The following TRHDE variants were observed in gnomAD, a reference collection of about 807,000 sequenced individuals.
TRHDE encodes the protein thyrotropin releasing hormone degrading enzyme.
TRHDE carries 72 observed loss-of-function variants against 125.7 expected under a neutral mutation model. The ratio of observed to expected loss-of-function variants is 0.57; its 90% CI spans 0.47 to 0.70. TRHDE has a LOEUF of 0.70. Among genes scored for constraint, TRHDE ranks in the 30% least tolerant of loss-of-function variants. TRHDE has a pLI of 0.00. For missense variants in TRHDE, 1,110 were observed against 1,327.1 expected (o/e 0.84, Z 2.54); for synonymous variants, 509 against 509.1 (o/e 1.00, Z 0.00).
chr12:72,631,482 T>G (rs1466996742), intron 15 of TRHDE, among the ~76,000 whole-genome samples: 1 of 151,902 alleles, frequency 6.6e-6, no homozygotes, highest in African/African-American at 2.4e-5. Context: ...TCAGTATTCC[T>G]TAAAATACAC....
chr12:72,380,108 T>C (rs1017373287), intron 3 of TRHDE, among the ~76,000 whole-genome samples: 2 of 152,228 alleles, frequency 1.3e-5, no homozygotes, highest in African/African-American at 4.8e-5. Flanking sequence ...GTATCCTAGA[T>C]ATCAGCTGAG....
intron 2 of TRHDE, among the ~76,000 whole-genome samples, chr12:72,205,988 A>G (rs1228994662): frequency 6.6e-6 from 1 of 151,916 alleles, no homozygotes; most frequent in Non-Finnish European, 1.5e-5. Flanking sequence ...AAGGGTTTCA[A>G]TTTTTCCACA....
intron 2 of TRHDE, among the ~76,000 whole-genome samples, chr12:72,325,513 G>A (rs749130016): frequency 2.0e-4 from 31 of 151,940 alleles, no homozygotes; most frequent in Non-Finnish European, 4.1e-4. Flanking sequence ...AAGAAACCAT[G>A]CAAATATAGC....
At chr12:72,367,022 A>T (rs1871365287) in intron 2 of TRHDE, among the ~76,000 whole-genome samples, 1 of 151,900 alleles carries the variant, frequency 6.6e-6, no homozygotes. Flanking sequence ...TTTTTGTTAG[A>T]CTGATAGGTT....
In TRHDE at chr12:72,452,907, C is replaced by T. The variant is rs75194935; in HGVS notation, c.1316-16851C>T. Among the ~76,000 whole-genome samples, 350 of 152,228 alleles carry T rather than the reference C, an allele frequency of 2.3e-3. 1 individual carries two copies. Among genetic ancestry groups the T allele is most frequent in the East Asian group, 7.2e-3 (37 of 5,164 alleles). ...AGAGGTCAGCATCATGATTCCTGTA[C>T]AGCCTGTGAAACCATGAGGCAATTA... On this transcript the variant is annotated intron_variant, in intron 3 of 18. Coordinates refer to ENST00000261180, the MANE Select transcript of TRHDE (RefSeq NM_013381.3).
At chr12:72,662,969 C>T (rs1163621155) in intron 18 of TRHDE, 83 bp from the exon 19 acceptor site, 4 of 1,395,750 alleles carry the variant, frequency 2.9e-6, no homozygotes, top group Non-Finnish European at 3.9e-6. Context: ...TTTAATGTTT[C>T]AAATAGATTC....
At chr12:72,305,981 G>C (rs1236838575) in intron 2 of TRHDE, among the ~76,000 whole-genome samples, 1 of 152,182 alleles carries the variant, frequency 6.6e-6, no homozygotes, top group Non-Finnish European at 1.5e-5. Flanking sequence ...CAGTGGTACA[G>C]ACAGCTCCAT....
intron 2 of TRHDE, chr12:72,303,339 ATTGT>A (rs1017600247): frequency 1.3e-5 from 2 of 151,980 alleles, no homozygotes; most frequent in African/African-American, 4.8e-5. Flanking sequence ...ATGGTCAGGG[ATTGT>A]TTGGAGGCTT....
rs555238598 is a variant in TRHDE, at chr12:72,331,124, T to A, written c.1188+44170T>A. Among the ~76,000 whole-genome samples the A allele has an allele frequency of 6.0e-4, 92 of 152,330 alleles. No homozygotes were observed. The South Asian group carries it at 6.6e-3, about 11-fold the overall frequency. On this transcript the variant is annotated intron_variant, in intron 2 of 18. Transcript: ENST00000261180. ...CACATCTGTTATCTCATTTAATCTT[T>A]ACAAAACTTTATTGGGTGTATCATT...
intron 2 of TRHDE, among the ~76,000 whole-genome samples, chr12:72,133,029 G>A (rs1409853114): frequency 1.3e-5 from 2 of 152,128 alleles, no homozygotes; most frequent in Non-Finnish European, 2.9e-5. Flanking sequence ...CAGGGGAAGT[G>A]GTGTAAGATG....
chr12:72,552,942 G>A (rs1355477095), intron 7 of TRHDE, among the ~76,000 whole-genome samples: 4 of 152,148 alleles, frequency 2.6e-5, no homozygotes, highest in African/African-American at 9.7e-5. Context: ...CTTGCTCATT[G>A]AGAAGGTGAG....
chr12:72,248,155 C>A (rs1358100289), intron 2 of TRHDE, among the ~76,000 whole-genome samples: 6 of 152,066 alleles, frequency 3.9e-5, no homozygotes, highest in African/African-American at 1.4e-4. Context: ...TGCGGTGGCT[C>A]ACGCCTATAA....
rs1874859436 is a variant in TRHDE at position 72,094,295 on chromosome 12, G to A, written n.174+6856G>A. On this transcript the variant is annotated intron_variant and non_coding_transcript_variant, in intron 1 of 4. Coordinates refer to the TRHDE transcript ENST00000548156. ...GGTGAGTCCCTGGCCAAGCAGGACTGGCCCTGGACTATGGCTGAGAGGGGC... is the reference window on the plus strand; with the variant it reads ...GGTGAGTCCCTGGCCAAGCAGGACTAGCCCTGGACTATGGCTGAGAGGGGC... Among the ~76,000 whole-genome samples the A allele has an allele frequency of 3.3e-5, 5 of 152,184 alleles. No homozygotes were observed. In the South Asian group the frequency reaches 1.0e-3, roughly 31 times the overall value.
chr12:72,458,271 G>A (rs929035942), intron 3 of TRHDE, among the ~76,000 whole-genome samples: 3 of 152,036 alleles, frequency 2.0e-5, no homozygotes, highest in Non-Finnish European at 4.4e-5. Flanking sequence ...ATATATTGCC[G>A]GTGTTTTATA....
At chr12:72,386,605 T>C (rs546644643) in intron 3 of TRHDE, among the ~76,000 whole-genome samples, 2 of 152,134 alleles carry the variant, frequency 1.3e-5, no homozygotes, top group Non-Finnish European at 2.9e-5. Flanking sequence ...TACTGACCCA[T>C]TTTTTCTCCT....
rs1296246840 is a variant in TRHDE, at chr12:72,517,513, C to T, written c.1722+17878C>T. Among the ~76,000 whole-genome samples, 199 of 152,124 alleles carry T rather than the reference C, an allele frequency of 1.3e-3. 1 individual carries two copies. The highest frequency in any genetic ancestry group is 2.5e-3 in the Non-Finnish European group (173 of 67,986). On this transcript the variant is annotated intron_variant, in intron 6 of 18. Coordinates refer to ENST00000261180, the MANE Select transcript of TRHDE (RefSeq NM_013381.3). ...ATATCCCCTTTATCATTTTTTATTGCGTCTGTTTGATTCTTCTCTCTTTTT... is the reference window on the plus strand; with the variant it reads ...ATATCCCCTTTATCATTTTTTATTGTGTCTGTTTGATTCTTCTCTCTTTTT...
At chr12:72,571,689 T>TC (rs775469617) in intron 10 of TRHDE, among the ~76,000 whole-genome samples, 3 of 152,072 alleles carry the variant, frequency 2.0e-5, no homozygotes, top group Non-Finnish European at 4.4e-5. Context: ...TGGAGAGGAA[T>TC]AAATGTAATG....
intron 2 of TRHDE, among the ~76,000 whole-genome samples, chr12:72,220,830 A>C (rs1471940076): frequency 6.6e-6 from 1 of 152,108 alleles, no homozygotes; most frequent in Non-Finnish European, 1.5e-5. Flanking sequence ...AAGGACTGCT[A>C]CTGGATATTT....
chr12:72,495,657 A>C (rs528891448), intron 5 of TRHDE, among the ~76,000 whole-genome samples: 1 of 152,286 alleles, frequency 6.6e-6, no homozygotes, highest in South Asian at 2.1e-4. Context: ...GTTAGGGCCT[A>C]GATTTCGCTG....
Sources: allele counts gnomAD v4.1 joint callset (sites outside exome capture counted in the v4.1 genomes callset), GRCh38; gene constraint gnomAD v4.1.1; transcripts MANE v1.5; gene names NCBI Gene and HGNC (gene_info 2026-07-23, HGNC 2026-07-21).